The following ST8SIA1 variants were observed in gnomAD, a reference collection of about 807,000 sequenced individuals.
ST8SIA1 encodes ST8 alpha-N-acetyl-neuraminide alpha-2,8-sialyltransferase 1.
A neutral mutation model predicts 35.9 loss-of-function variants in ST8SIA1; 16 were observed. The ratio of observed to expected loss-of-function variants is 0.45; its 90% CI spans 0.30 to 0.68. ST8SIA1 has a LOEUF of 0.68. ST8SIA1 is among the 30% of genes least tolerant of loss of function. ST8SIA1 has a pLI of 0.09. For synonymous variants in ST8SIA1, 170 were observed against 169.6 expected (o/e 1.00, Z -0.02); for missense variants, 383 against 453.6 (o/e 0.84, Z 1.41).
chr12:22,286,314 T>A (rs181329818), intron 2 of ST8SIA1, among the ~76,000 whole-genome samples: 109 of 152,340 alleles, frequency 7.2e-4, no homozygotes, highest in Middle Eastern at 3.4e-3. Flanking sequence ...CTCAGCTTTG[T>A]GGGATTCCTC....
At chr12:22,268,302 T>C (rs1214065406) in intron 2 of ST8SIA1, among the ~76,000 whole-genome samples, 1 of 152,182 alleles carries the variant, frequency 6.6e-6, no homozygotes, top group Non-Finnish European at 1.5e-5. Context: ...TTTAGATTAT[T>C]TTAAAGTCTA....
chr12:22,215,946 T>C (rs1865229588), intron 4 of ST8SIA1, among the ~76,000 whole-genome samples: 2 of 152,164 alleles, frequency 1.3e-5, no homozygotes, highest in African/African-American at 2.4e-5. Context: ...AAGGGAATGG[T>C]GGAACCAGAG....
At chr12:22,276,551 G>A (rs1865970901) in intron 2 of ST8SIA1, among the ~76,000 whole-genome samples, 1 of 152,106 alleles carries the variant, frequency 6.6e-6, no homozygotes, top group African/African-American at 2.4e-5. Flanking sequence ...GTGGCCAGAT[G>A]GTTCCAGGAC....
At chr12:22,207,854 A>C (rs1157291174) in intron 4 of ST8SIA1, among the ~76,000 whole-genome samples, 1 of 152,092 alleles carries the variant, frequency 6.6e-6, no homozygotes, top group African/African-American at 2.4e-5. Flanking sequence ...CATAAAATAG[A>C]AAATTTCTAG....
At chr12:22,226,911 C>G (rs938699070) in intron 4 of ST8SIA1, among the ~76,000 whole-genome samples, 1 of 151,948 alleles carries the variant, frequency 6.6e-6, no homozygotes, top group East Asian at 1.9e-4. Flanking sequence ...TGTTTATATG[C>G]GTGTTTTTCC....
At chr12:22,212,515 G>A (rs1865186460) in intron 4 of ST8SIA1, among the ~76,000 whole-genome samples, 2 of 152,058 alleles carry the variant, frequency 1.3e-5, no homozygotes, top group Non-Finnish European at 2.9e-5. Flanking sequence ...TCTTCCACAG[G>A]AAAGTACTTT....
In ST8SIA1 at chr12:22,334,244, C is replaced by T. The variant is rs759623589; in HGVS notation, c.-12G>A. On this transcript the variant is annotated 5_prime_UTR_variant, in exon 1 of 5. Transcript: ENST00000396037. ...CCGCAGGGGCTCATCGCAGCCCCGGCGTCCCAGGGGCGGGGGCCGGGGCCT... is the reference window on the plus strand; with the variant it reads ...CCGCAGGGGCTCATCGCAGCCCCGGTGTCCCAGGGGCGGGGGCCGGGGCCT... 2.5e-6 allele frequency: 4 copies of T among 1,606,244 alleles called. No homozygotes were observed. The highest frequency in any genetic ancestry group is 3.4e-6 in the Non-Finnish European group (4 of 1,176,296).
At chr12:22,221,217 C>T (rs1865297650) in intron 4 of ST8SIA1, among the ~76,000 whole-genome samples, 1 of 151,408 alleles carries the variant, frequency 6.6e-6, no homozygotes, top group Admixed American at 6.6e-5. Context: ...ACATCATCAC[C>T]TGGAAAGAAA....
intron 1 of ST8SIA1, among the ~76,000 whole-genome samples, chr12:22,293,923 A>T (rs1358732796): frequency 6.6e-6 from 1 of 152,208 alleles, no homozygotes; most frequent in East Asian, 1.9e-4. Flanking sequence ...GAAGTTTCTT[A>T]TTCTAAAAAC....
Position 22,334,250 on chromosome 12 carries a change from A to C in ST8SIA1, c.-18T>G. 6.2e-7 allele frequency: 1 copy of C among 1,600,048 alleles called. No individual in the cohort carries two copies. Among genetic ancestry groups the C allele is most frequent in the Non-Finnish European group, 8.5e-7 (1 of 1,171,908 alleles). On this transcript the variant is annotated 5_prime_UTR_variant, in exon 1 of 5. Transcript: ENST00000396037. Reference sequence around the variant, plus strand: ...GGGCTCATCGCAGCCCCGGCGTCCCAGGGGCGGGGGCCGGGGCCTCAGCAC... The same window carrying C: ...GGGCTCATCGCAGCCCCGGCGTCCCCGGGGCGGGGGCCGGGGCCTCAGCAC...
At chr12:22,246,691 G>C (rs1206304136) in intron 4 of ST8SIA1, among the ~76,000 whole-genome samples, 3 of 152,060 alleles carry the variant, frequency 2.0e-5, no homozygotes, top group African/African-American at 2.4e-5. Context: ...CTGGTTGAGA[G>C]CACGGGCTTT....
chr12:22,325,620 C>T, intron 1 of ST8SIA1: 1 of 624,430 alleles, frequency 1.6e-6, no homozygotes, highest in Non-Finnish European at 2.8e-6. Flanking sequence ...GTGGAGGATA[C>T]ATTCCAAGAC....
chr12:22,237,188 G>A (rs7310760), intron 4 of ST8SIA1, among the ~76,000 whole-genome samples: 10 of 151,892 alleles, frequency 6.6e-5, no homozygotes, highest in South Asian at 2.1e-4. Flanking sequence ...AGCCTTGAAC[G>A]CCTAGGCTCA....
chr12:22,303,889 A>ACAC (rs1273666783), intron 1 of ST8SIA1, among the ~76,000 whole-genome samples: 1 of 107,812 alleles, frequency 9.3e-6, no homozygotes, highest in South Asian at 3.2e-4. Flanking sequence ...CACACACACA[A>ACAC]AAGTGGTGTG....
intron 4 of ST8SIA1, among the ~76,000 whole-genome samples, chr12:22,222,866 TTCC>T (rs1865315478): frequency 1.3e-5 from 2 of 152,158 alleles, no homozygotes; most frequent in Admixed American, 6.6e-5. Flanking sequence ...TACCCCTAAA[TTCC>T]AGTCTAAATG....
chr12:22,304,007 C>G (rs1866351881), intron 1 of ST8SIA1, among the ~76,000 whole-genome samples: 1 of 152,142 alleles, frequency 6.6e-6, no homozygotes, highest in South Asian at 2.1e-4. Flanking sequence ...TCAGGCCAAC[C>G]AAAAGAGCAA....
At chr12:22,327,984 AG>A (rs1021929998) in intron 1 of ST8SIA1, among the ~76,000 whole-genome samples, 2 of 152,252 alleles carry the variant, frequency 1.3e-5, no homozygotes, top group African/African-American at 4.8e-5. Context: ...GTTCTCAGTC[AG>A]GGGCAATTTT....
At chr12:22,241,510 G>A (rs1323414703) in intron 4 of ST8SIA1, among the ~76,000 whole-genome samples, 1 of 151,994 alleles carries the variant, frequency 6.6e-6, no homozygotes, top group Non-Finnish European at 1.5e-5. Context: ...CAGTTGCTGG[G>A]CAGATGCCAA....
At chr12:22,321,787 C>T (rs1409872686) in intron 1 of ST8SIA1, among the ~76,000 whole-genome samples, 2 of 152,194 alleles carry the variant, frequency 1.3e-5, no homozygotes, top group Admixed American at 6.5e-5. Context: ...CAAATTGAGA[C>T]TCAGCTCACT....
Sources: allele counts gnomAD v4.1 joint callset (sites outside exome capture counted in the v4.1 genomes callset), GRCh38; gene constraint gnomAD v4.1.1; transcripts MANE v1.5; gene names NCBI Gene and HGNC (gene_info 2026-07-23, HGNC 2026-07-21).